Variants in ZPLD1 observed in about 807,000 individuals in gnomAD.
ZPLD1 encodes the protein zona pellucida like domain containing 1.
ZPLD1 carries 34 observed loss-of-function variants against 47.2 expected under a neutral mutation model. The ratio of observed to expected loss-of-function variants is 0.72; its 90% CI spans 0.55 to 0.96. The LOEUF is 0.96. ZPLD1 is among the 40% of genes least tolerant of loss of function. The pLI, the probability that ZPLD1 is intolerant of heterozygous loss-of-function variation, is 0.00. For synonymous variants in ZPLD1, 176 were observed against 186.2 expected (o/e 0.95, Z 0.45); for missense variants, 512 against 505.8 (o/e 1.01, Z -0.12).
intron 10 of ZPLD1, among the ~76,000 whole-genome samples, chr3:102,473,258 G>A (rs988954374): frequency 2.6e-5 from 4 of 152,030 alleles, no homozygotes; most frequent in African/African-American, 7.2e-5. Flanking sequence ...TAAGACCCCC[G>A]AAATCCCAGT....
At chr3:102,405,103 A>G (rs758892792) in intron 7 of ZPLD1, among the ~76,000 whole-genome samples, 1 of 152,038 alleles carries the variant, frequency 6.6e-6, no homozygotes, top group Non-Finnish European at 1.5e-5. Context: ...CAAGTATTGT[A>G]AAGTGGAGTA....
At chr3:102,410,643 CT>C (rs150919846) in intron 7 of ZPLD1, among the ~76,000 whole-genome samples, 20,001 of 151,662 alleles carry the variant, frequency 0.13, 1,384 homozygotes, top group Middle Eastern at 0.17. Flanking sequence ...TAACATTGGT[CT>C]TTAGAAATGG....
intron 6 of ZPLD1, among the ~76,000 whole-genome samples, chr3:102,388,219 C>G (rs934593274): frequency 6.6e-6 from 1 of 152,090 alleles, no homozygotes; most frequent in African/African-American, 2.4e-5. Flanking sequence ...TTTTTCCACT[C>G]TGCTCTGATC....
chr3:102,456,337 C>T lies in ZPLD1; in HGVS notation c.472C>T (p.Pro158Ser). ...TCTTTACAAATTTAGTTGTAGTTAT[C>T]CATTGGAATACCTGGTTAATAATAC... ...GLLYKFSCSY[P>S]LEYLVNNTQL... Residue 158 changes from proline (P) to serine (S), a missense_variant, in exon 5 of 12, where the codon CCA (proline) becomes TCA (serine). Pro to Ser is a moderately conservative substitution (Grantham distance 74, BLOSUM62 -1). Transcript: ENST00000466937. 1 of 1,613,444 alleles carries T rather than the reference C, an allele frequency of 6.2e-7. No homozygotes were observed. The highest frequency in any genetic ancestry group is 1.3e-5 in the African/African-American group (1 of 75,004).
chr3:102,477,162 T>C, intron 11 of ZPLD1, 121 bp downstream of exon 11: 1 of 1,106,666 alleles, frequency 9.0e-7, no homozygotes. Context: ...AGATAACAGT[T>C]CACTGAGGGT....
chr3:102,385,781 T>C (rs11710987), intron 6 of ZPLD1, among the ~76,000 whole-genome samples: 4 of 152,206 alleles, frequency 2.6e-5, no homozygotes, highest in Admixed American at 6.5e-5. Flanking sequence ...GTTTGAATTA[T>C]GCTATGCATT....
chr3:102,385,961 C>T (rs1706419937), intron 6 of ZPLD1, among the ~76,000 whole-genome samples: 1 of 152,198 alleles, frequency 6.6e-6, no homozygotes, highest in African/African-American at 2.4e-5. Context: ...TCAACTTCAA[C>T]CTCTCTGCTC....
chr3:102,417,879 G>A (rs544514388), intron 7 of ZPLD1, among the ~76,000 whole-genome samples: 1 of 151,634 alleles, frequency 6.6e-6, no homozygotes, highest in Non-Finnish European at 1.5e-5. Context: ...TCAAACGCAG[G>A]TAGGGGAAAA....
intron 3 of ZPLD1, among the ~76,000 whole-genome samples, chr3:102,441,709 C>T (rs1916349): frequency 0.14 from 21,790 of 151,902 alleles, 2,056 homozygotes; most frequent in Middle Eastern, 0.24. Context: ...AAAGAAACCT[C>T]GCCCTTATAT....
chr3:102,407,329 A>G (rs545915189), intron 7 of ZPLD1, among the ~76,000 whole-genome samples: 15 of 143,042 alleles, frequency 1.0e-4, no homozygotes, highest in South Asian at 6.8e-4. Flanking sequence ...CACCAACTCT[A>G]TAACTAATAG....
At chr3:102,456,973 T>C (rs939847582) in intron 5 of ZPLD1, among the ~76,000 whole-genome samples, 3 of 152,240 alleles carry the variant, frequency 2.0e-5, no homozygotes, top group African/African-American at 7.2e-5. Flanking sequence ...TATTCACGTA[T>C]GCATTATTTC....
chr3:102,435,094 C>T lies in ZPLD1; in HGVS notation c.-183C>T. 11 of 1,614,034 alleles carry T rather than the reference C, an allele frequency of 6.8e-6. No individual in the cohort carries two copies. The highest frequency in any genetic ancestry group is 1.1e-5 in the South Asian group (1 of 91,064). Reference sequence around the variant, plus strand: ...TTTAGGGACTGTGCTAAAATAGCATCTCCAAGCTTGCTATGGCAAGATGAT... The same window carrying T: ...TTTAGGGACTGTGCTAAAATAGCATTTCCAAGCTTGCTATGGCAAGATGAT... On this transcript the variant is annotated 5_prime_UTR_variant, in exon 1 of 12. Transcript: ENST00000466937.
intron 6 of ZPLD1, among the ~76,000 whole-genome samples, chr3:102,459,440 GA>G (rs1437606249): frequency 1.3e-5 from 2 of 152,248 alleles, no homozygotes; most frequent in Admixed American, 6.5e-5. Flanking sequence ...TGAAATAGCA[GA>G]AAATCAAAAT....
chr3:102,461,770 G>C (rs1405941576), intron 6 of ZPLD1, among the ~76,000 whole-genome samples: 1 of 151,770 alleles, frequency 6.6e-6, no homozygotes, highest in Non-Finnish European at 1.5e-5. Context: ...GTCTTACTTT[G>C]GTTTTCAATT....
chr3:102,386,135 A>T (rs1706422136), intron 6 of ZPLD1, among the ~76,000 whole-genome samples: 1 of 152,192 alleles, frequency 6.6e-6, no homozygotes, highest in African/African-American at 2.4e-5. Flanking sequence ...TTACCCAAGA[A>T]ATGCTGGAAA....
intron 6 of ZPLD1, among the ~76,000 whole-genome samples, chr3:102,385,562 T>TA (rs1328221396): frequency 2.6e-5 from 4 of 152,216 alleles, no homozygotes; most frequent in Non-Finnish European, 5.9e-5. Flanking sequence ...TGTTACATTT[T>TA]ATATATTTAC....
chr3:102,422,980 A>C (rs1706898389), intron 8 of ZPLD1, among the ~76,000 whole-genome samples: 1 of 152,084 alleles, frequency 6.6e-6, no homozygotes, highest in African/African-American at 2.4e-5. Flanking sequence ...GAAAGCATAA[A>C]ATTTTATATC....
intron 7 of ZPLD1, among the ~76,000 whole-genome samples, chr3:102,403,131 T>G (rs1221619618): frequency 6.6e-6 from 1 of 151,986 alleles, no homozygotes; most frequent in Admixed American, 6.6e-5. Context: ...GCTTTACAAT[T>G]TTCACAAATA....
At chr3:102,413,520 A>G (rs1488722429) in intron 7 of ZPLD1, among the ~76,000 whole-genome samples, 1 of 151,860 alleles carries the variant, frequency 6.6e-6, no homozygotes, top group Non-Finnish European at 1.5e-5. Context: ...AATCTGTTAG[A>G]CAATGACTAT....
Sources: gnomAD v4.1 joint callset for allele counts (sites outside exome capture counted in the v4.1 genomes callset) on GRCh38, gnomAD v4.1.1 for gene constraint, MANE v1.5 for transcripts, NCBI Gene and HGNC (gene_info 2026-07-23, HGNC 2026-07-21) for gene names.